The following KCNC1 variants were observed in gnomAD, a reference collection of about 807,000 sequenced individuals.
The protein encoded by KCNC1 is voltage-gated potassium channel KCNC1.
In KCNC1, 8 loss-of-function variants were observed where a neutral mutation model predicts 43.4. The observed-to-expected ratio is 0.18, with a 90% CI of 0.11 to 0.33. The LOEUF (loss-of-function observed/expected upper bound fraction) is 0.33. KCNC1 is among the 10% of genes least tolerant of loss of function. The pLI is 1.00. For missense variants in KCNC1, 420 were observed against 836.0 expected (o/e 0.50, Z 6.14); for synonymous variants, 361 against 360.5 (o/e 1.00, Z -0.01).
intron 1 of KCNC1, among the ~76,000 whole-genome samples, chr11:17,766,252 G>A (rs934800512): frequency 1.7e-4 from 26 of 152,212 alleles, no homozygotes; most frequent in Admixed American, 9.8e-4. Context: ...ATGTGTCTCC[G>A]CATGTGCTCC....
chr11:17,757,818 T>C (rs1590100021), intron 1 of KCNC1, among the ~76,000 whole-genome samples: 2 of 152,400 alleles, frequency 1.3e-5, no homozygotes, highest in South Asian at 4.1e-4. Context: ...TTCAAAATGC[T>C]AACAATCATA....
intron 1 of KCNC1, among the ~76,000 whole-genome samples, chr11:17,762,859 C>T (rs1417023432): frequency 1.3e-5 from 2 of 152,154 alleles, no homozygotes; most frequent in African/African-American, 2.4e-5. Context: ...CAACCTCCCC[C>T]GAGGACCTCC....
At position 17,771,953 on chromosome 11, in the gene KCNC1, C is replaced by T; in HGVS notation, c.859C>T (p.Leu287=). Residue 287 remains leucine (L), a synonymous_variant, in exon 2 of 4, where the codon CTG becomes TTG. Transcript: ENST00000265969. The surrounding 1 kb of genome is among the most constrained non-coding windows in gnomAD (Gnocchi z 4.7). ...CAACATCATTGACTTTGTGGCCATC[C>T]TGCCCTTCTACCTGGAGGTGGGGCT... ...SLNIIDFVAI[L]PFYLEVGLSG... 1 of 1,614,212 alleles carries T rather than the reference C, an allele frequency of 6.2e-7. No individual in the cohort carries two copies. Among genetic ancestry groups the T allele is most frequent in the Non-Finnish European group, 8.5e-7 (1 of 1,180,034 alleles).
chr11:17,779,218 A>G lies in KCNC1; in HGVS notation c.1505-238A>G. The G allele has an allele frequency of 2.3e-6, 1 of 435,398 alleles. No individual in the cohort carries two copies. The highest frequency in any genetic ancestry group is 4.0e-6 in the Non-Finnish European group (1 of 247,674). 27.0% of individuals were successfully genotyped at this position (435,398 alleles called of 1,614,324 possible). ...CCAACTCATCTTTTTGCAAACTTTG[A>G]GCAAACCCAGGAGTCCCCACTCCCA... On this transcript the variant is annotated intron_variant, in intron 2 of 3. Transcript: ENST00000265969. The surrounding 1 kb of genome is among the most constrained non-coding windows in gnomAD (Gnocchi z 7.2).
chr11:17,750,160 G>A (rs562993230), intron 1 of KCNC1, among the ~76,000 whole-genome samples: 3 of 152,338 alleles, frequency 2.0e-5, no homozygotes, highest in Admixed American at 6.5e-5. Context: ...TTCACAGGCT[G>A]TGGTGGGTCT....
chr11:17,754,657 T>C (rs1849004838), intron 1 of KCNC1, among the ~76,000 whole-genome samples: 1 of 150,370 alleles, frequency 6.7e-6, no homozygotes, highest in Admixed American at 6.6e-5. Flanking sequence ...GGAGCCTCCT[T>C]TCCCCTACTA....
intron 1 of KCNC1, among the ~76,000 whole-genome samples, chr11:17,757,145 A>G (rs77685526): frequency 0.012 from 1,839 of 152,354 alleles, 30 homozygotes; most frequent in African/African-American, 0.034. Context: ...GAAGCTCAAC[A>G]AAGGTAAATA....
chr11:17,757,258 CA>C (rs1849033154), intron 1 of KCNC1, among the ~76,000 whole-genome samples: 1 of 152,148 alleles, frequency 6.6e-6, no homozygotes, highest in Non-Finnish European at 1.5e-5. Context: ...TGAAGCAGGT[CA>C]GGGGAGATGG....
chr11:17,776,029 A>G lies in KCNC1; in HGVS notation c.1505-3427A>G. The G allele has an allele frequency of 1.0e-6, 1 of 985,338 alleles. No individual in the cohort carries two copies. The highest frequency in any genetic ancestry group is 4.7e-5 in the South Asian group (1 of 21,270). 61.0% of individuals were successfully genotyped at this position (985,338 alleles called of 1,614,324 possible). Reference sequence around the variant, plus strand: ...CGCTGACTAGGCGGCGGGTGGGGCTAAGAGAGTTTCTGCAGGGACCCAGCT... The same window carrying G: ...CGCTGACTAGGCGGCGGGTGGGGCTGAGAGAGTTTCTGCAGGGACCCAGCT... On this transcript the variant is annotated intron_variant, in intron 2 of 3. Transcript: ENST00000265969. This position sits in a 1 kb window ranked among gnomAD's most constrained non-coding sequence, Gnocchi z 4.4.
chr11:17,755,244 GT>G (rs1325012427), intron 1 of KCNC1, among the ~76,000 whole-genome samples: 1 of 152,168 alleles, frequency 6.6e-6, no homozygotes, highest in African/African-American at 2.4e-5. Flanking sequence ...GCAGGGAGGA[GT>G]TTGGGGAGAT....
At chr11:17,763,255 G>A (rs913869215) in intron 1 of KCNC1, among the ~76,000 whole-genome samples, 4 of 151,984 alleles carry the variant, frequency 2.6e-5, no homozygotes, top group African/African-American at 9.7e-5. Context: ...GGGCTCCTGA[G>A]CTGGGCCGGC....
chr11:17,748,473 T>C (rs1004267917), intron 1 of KCNC1, among the ~76,000 whole-genome samples: 21 of 152,128 alleles, frequency 1.4e-4, no homozygotes, highest in Admixed American at 9.8e-4. Flanking sequence ...GGGATGACAG[T>C]TGAAAAATTA....
chr11:17,745,185 G>C (rs868858995), intron 1 of KCNC1, among the ~76,000 whole-genome samples: 15 of 152,314 alleles, frequency 9.8e-5, no homozygotes, highest in Middle Eastern at 3.4e-3. Context: ...TCAGGACACA[G>C]AGGGCTGGAT....
At chr11:17,764,258 C>G (rs1018048372) in intron 1 of KCNC1, among the ~76,000 whole-genome samples, 5 of 128,952 alleles carry the variant, frequency 3.9e-5, no homozygotes, top group Non-Finnish European at 6.2e-5. Flanking sequence ...CACACACACA[C>G]ACCACCGCAC....
In KCNC1 at chr11:17,779,104, C is replaced by T; in HGVS notation, c.1505-352C>T. The T allele has an allele frequency of 5.2e-6, 1 of 192,958 alleles. No homozygotes were observed. Among genetic ancestry groups the T allele is most frequent in the South Asian group, 1.5e-4 (1 of 6,636 alleles). The allele number at this position is 192,958 out of a possible 1,614,324, so 12.0% of individuals were successfully genotyped here. A position where few individuals can be genotyped will look rare whatever the true frequency, so the allele number is the denominator to read the frequency against. On this transcript the variant is annotated intron_variant, in intron 2 of 3. Transcript: ENST00000265969. This position sits in a 1 kb window ranked among gnomAD's most constrained non-coding sequence, Gnocchi z 7.2. Reference sequence around the variant, plus strand: ...TCCCTGAGCTCTGTGTCTGGCTCTCCCCCATGACTGCATCCACACCATCCT... The same window carrying T: ...TCCCTGAGCTCTGTGTCTGGCTCTCTCCCATGACTGCATCCACACCATCCT...
chr11:17,753,056 A>G (rs1848985938), intron 1 of KCNC1, among the ~76,000 whole-genome samples: 1 of 152,226 alleles, frequency 6.6e-6, no homozygotes, highest in African/African-American at 2.4e-5. Flanking sequence ...TTCTTTCAGG[A>G]GGAATTCACC....
intron 1 of KCNC1, among the ~76,000 whole-genome samples, chr11:17,757,687 C>T (rs1009061327): frequency 3.3e-5 from 5 of 152,178 alleles, no homozygotes; most frequent in Admixed American, 6.5e-5. Context: ...AAGCAAGTCA[C>T]ATATTTTTTG....
rs180849173 is a variant in KCNC1 at position 17,773,048 on chromosome 11, G to A, written c.1504+450G>A. 7.9e-6 allele frequency: 8 copies of A among 1,017,538 alleles called. No individual in the cohort carries two copies. Among genetic ancestry groups the A allele is most frequent in the Middle Eastern group, 5.0e-4 (1 of 2,018 alleles). The allele number at this position is 1,017,538 out of a possible 1,614,324, so 63.0% of individuals were successfully genotyped here. A position where few individuals can be genotyped will look rare whatever the true frequency, so the allele number is the denominator to read the frequency against. On this transcript the variant is annotated intron_variant, in intron 2 of 3. Transcript: ENST00000265969. The surrounding 1 kb of genome is among the most constrained non-coding windows in gnomAD (Gnocchi z 4.1). Reference sequence around the variant, plus strand: ...TCCTTACCATGGCTCCCTTCAGGCTGTGTAGATGGCAGAGATGGTGCATGG... The same window carrying A: ...TCCTTACCATGGCTCCCTTCAGGCTATGTAGATGGCAGAGATGGTGCATGG...
intron 1 of KCNC1, among the ~76,000 whole-genome samples, chr11:17,752,118 G>A (rs1848976159): frequency 6.6e-6 from 1 of 152,192 alleles, no homozygotes; most frequent in African/African-American, 2.4e-5. Flanking sequence ...AATTGCTTGT[G>A]GACCAGTGAA....
Sources: allele counts gnomAD v4.1 joint callset (sites outside exome capture counted in the v4.1 genomes callset), GRCh38; gene constraint gnomAD v4.1.1; non-coding constraint Gnocchi (gnomAD v3.1); transcripts MANE v1.5; gene names NCBI Gene and HGNC (gene_info 2026-07-23, HGNC 2026-07-21).